UBA5: variants seen among roughly 807,000 people sequenced by gnomAD.
UBA5 encodes the protein ubiquitin-like modifier-activating enzyme 5.
In UBA5, 28 loss-of-function variants were observed where a neutral mutation model predicts 52.9. The observed-to-expected ratio is 0.53, with a 90% confidence interval of 0.39 to 0.73. UBA5 has a LOEUF of 0.73. Ranked by LOEUF, UBA5 falls within the 30% of genes least tolerant of loss-of-function variation. UBA5 has a pLI of 0.00. For synonymous variants in UBA5, 135 were observed against 162.1 expected (o/e 0.83, Z 1.27); for missense variants, 388 against 492.7 (o/e 0.79, Z 2.01).
chr3:132,661,560 A>C (rs939442514), intron 1 of UBA5, among the ~76,000 whole-genome samples: 2 of 152,222 alleles, frequency 1.3e-5, no homozygotes, highest in African/African-American at 4.8e-5. Context: ...TCCTCCCACC[A>C]AAACCCTATG....
Position 132,660,813 on chromosome 3 carries a change from G to A in UBA5, c.161+115G>A. On this transcript the variant is annotated intron_variant, in intron 1 of 11. Transcript: ENST00000356232. This position sits in a 1 kb window ranked among gnomAD's most constrained non-coding sequence, Gnocchi z 4.1. Reference sequence around the variant, plus strand: ...TGGGGACGCCCGCCACCCTTTTCTTGGTCTGCGAATCCTGTTCCCAAATGG... The same window carrying A: ...TGGGGACGCCCGCCACCCTTTTCTTAGTCTGCGAATCCTGTTCCCAAATGG... The A allele has an allele frequency of 6.9e-7, 1 of 1,449,014 alleles. No individual in the cohort carries two copies. The highest frequency in any genetic ancestry group is 9.1e-7 in the Non-Finnish European group (1 of 1,097,626). 89.8% of individuals were successfully genotyped at this position (1,449,014 alleles called of 1,614,324 possible). A position where few individuals can be genotyped will look rare whatever the true frequency, so the allele number is the denominator to read the frequency against.
At chr3:132,655,188 C>A (rs1937717260) in intron 1 of UBA5, among the ~76,000 whole-genome samples, 1 of 152,226 alleles carries the variant, frequency 6.6e-6, no homozygotes, top group Non-Finnish European at 1.5e-5. Context: ...ATTCTACACT[C>A]CCACTCTGGT....
intron 5 of UBA5, 114 bp downstream of exon 5, chr3:132,670,398 T>A (rs1559991658): frequency 1.9e-6 from 1 of 519,378 alleles, no homozygotes; most frequent in Non-Finnish European, 3.4e-6. Flanking sequence ...TATTTTTCCA[T>A]TTTTTTAGTA....
At chr3:132,661,094 G>A in intron 1 of UBA5, 1 of 1,293,764 alleles carries the variant, frequency 7.7e-7, no homozygotes, top group South Asian at 1.2e-5. Context: ...ATCTTAAATG[G>A]GGTCGGGGCG....
Position 132,678,864 on chromosome 3 carries a change from GGTC to G in UBA5, c.*2339_*2341del. 1.3e-5 allele frequency among the ~76,000 whole-genome samples: 2 copies of G among 151,884 alleles called. No individual in the cohort carries two copies. The highest frequency in any genetic ancestry group is 3.9e-4 in the East Asian group (2 of 5,108). On this transcript the variant is annotated 3_prime_UTR_variant, in exon 12 of 12. Transcript: ENST00000356232. ...GAGGTTTCACCATGTTGGCCAGGCT[GGTC>G]TTGAACTCCTGACCTCAGGTGATCC...
rs1177908264 is a variant in UBA5, at chr3:132,676,287, ACT to A, written c.1132-153_1132-152del. Among the ~76,000 whole-genome samples the A allele has an allele frequency of 3.9e-5, 6 of 152,036 alleles. No homozygotes were observed. The highest frequency in any genetic ancestry group is 1.9e-4 in the East Asian group (1 of 5,198). On this transcript the variant is annotated intron_variant, in intron 11 of 11. Coordinates refer to ENST00000356232, the MANE Select transcript of UBA5 (RefSeq NM_024818.6). This position sits in a 1 kb window ranked among gnomAD's most constrained non-coding sequence, Gnocchi z 4.1. ...AAAAGACTGGTGAGGAATGTAAAAG[ACT>A]CTGTCTTTCTTCTAAAAATTAGAAG...
At chr3:132,659,355 T>C (rs1049841840), upstream of UBA5, 1 of 507,708 alleles carries the variant, frequency 2.0e-6, no homozygotes, top group Non-Finnish European at 3.4e-6. Context: ...ATCCATCCTT[T>C]AACAAAGATT....
chr3:132,661,100 G>A, intron 1 of UBA5: 1 of 1,286,896 alleles, frequency 7.8e-7, no homozygotes, highest in Non-Finnish European at 1.0e-6. Context: ...AATGGGGTCG[G>A]GGCGGGGGAG....
At chr3:132,659,566 AT>A, upstream of UBA5, 2 of 1,607,612 alleles carry the variant, frequency 1.2e-6, no homozygotes, top group Non-Finnish European at 8.5e-7. Context: ...CAATGTACAA[AT>A]TTTTTTCCGC....
rs1298890353 is a variant in UBA5, at chr3:132,678,558, A to G, written c.*2032A>G. 1.3e-5 allele frequency among the ~76,000 whole-genome samples: 2 copies of G among 152,230 alleles called. No individual in the cohort carries two copies. Among genetic ancestry groups the G allele is most frequent in the African/African-American group, 4.8e-5 (2 of 41,466 alleles). Reference sequence around the variant, plus strand: ...GTTCTACTTAAATGTTGTAGAGAAAATAAGTATTACTAGTTTCTTCTCATA... The same window carrying G: ...GTTCTACTTAAATGTTGTAGAGAAAGTAAGTATTACTAGTTTCTTCTCATA... On this transcript the variant is annotated 3_prime_UTR_variant, in exon 12 of 12. Transcript: ENST00000356232.
chr3:132,675,798 C>T lies in UBA5; in HGVS notation c.1025-19C>T, dbSNP rs1464268238. On this transcript the variant is annotated intron_variant, in intron 10 of 11. Transcript: ENST00000356232. ...GCTTATTAAATTCCTTAAAAACTGA[C>T]ATAGGATCAAATTTACAGGTATTGA... is the stretch of plus-strand genomic sequence containing the variant. 6.3e-7 allele frequency: 1 copy of T among 1,583,464 alleles called. No individual in the cohort carries two copies. Among genetic ancestry groups the T allele is most frequent in the South Asian group, 1.1e-5 (1 of 87,824 alleles).
At chr3:132,656,768 AG>A (rs1165422020), upstream of UBA5, among the ~76,000 whole-genome samples, 1 of 152,030 alleles carries the variant, frequency 6.6e-6, no homozygotes, top group Non-Finnish European at 1.5e-5. Context: ...CTGGGATTAC[AG>A]GCATGAGCCA....
Position 132,660,789 on chromosome 3 carries a change from G to T in UBA5, c.161+91G>T. 6.9e-7 allele frequency: 1 copy of T among 1,447,962 alleles called. No individual in the cohort carries two copies. The highest frequency in any genetic ancestry group is 1.5e-5 in the South Asian group (1 of 68,340). 89.7% of individuals were successfully genotyped at this position (1,447,962 alleles called of 1,614,324 possible). A position where few individuals can be genotyped will look rare whatever the true frequency, so the allele number is the denominator to read the frequency against. Reference sequence around the variant, plus strand: ...GAGGCGCTTCCCACGTCCCGCTCATGGGGACGCCCGCCACCCTTTTCTTGG... The same window carrying T: ...GAGGCGCTTCCCACGTCCCGCTCATTGGGACGCCCGCCACCCTTTTCTTGG... On this transcript the variant is annotated intron_variant, in intron 1 of 11. Coordinates refer to ENST00000356232, the MANE Select transcript of UBA5 (RefSeq NM_024818.6). The surrounding 1 kb of genome is among the most constrained non-coding windows in gnomAD (Gnocchi z 4.1).
upstream of UBA5, chr3:132,660,319 T>C (rs1463933616): frequency 2.6e-5 from 16 of 613,834 alleles, no homozygotes; most frequent in Non-Finnish European, 4.0e-5. This position sits in a 1 kb window ranked among gnomAD's most constrained non-coding sequence, Gnocchi z 4.1. Flanking sequence ...GGGGGAGCGA[T>C]GTCTGCGACG....
chr3:132,674,657 C>G (rs150267277), intron 8 of UBA5, among the ~76,000 whole-genome samples: 2 of 152,314 alleles, frequency 1.3e-5, no homozygotes, highest in East Asian at 1.9e-4. Context: ...CCACCTTACT[C>G]CAGCCTGGGC....
rs1938877812 is a variant in UBA5, at chr3:132,677,262, C to G, written c.*736C>G. On this transcript the variant is annotated 3_prime_UTR_variant, in exon 12 of 12. Coordinates refer to ENST00000356232, the MANE Select transcript of UBA5 (RefSeq NM_024818.6). ...AACAGAAATTATTGCATCTGTGGAA[C>G]ATATATCTGGAGTTACTATACTTTA... 2 of 166,308 alleles carry G rather than the reference C, an allele frequency of 1.2e-5. No individual in the cohort carries two copies. Among genetic ancestry groups the G allele is most frequent in the Admixed American group, 1.2e-4 (2 of 17,348 alleles). The allele number at this position is 166,308 out of a possible 1,614,324, so 10.3% of individuals were successfully genotyped here. A position where few individuals can be genotyped will look rare whatever the true frequency, so the allele number is the denominator to read the frequency against.
chr3:132,670,239 A>C lies in UBA5; in HGVS notation c.449A>C (p.Asn150Thr), dbSNP rs1490663206. The C allele has an allele frequency of 6.6e-7, 1 of 1,509,762 alleles. No homozygotes were observed. 93.5% of individuals were successfully genotyped at this position (1,509,762 alleles called of 1,614,324 possible). A position where few individuals can be genotyped will look rare whatever the true frequency, so the allele number is the denominator to read the frequency against. The change falls in exon 5 of 12, where the codon AAT becomes ACT. Residue 150 changes from asparagine (N) to threonine (T), a missense_variant. Coordinates refer to ENST00000356232, the MANE Select transcript of UBA5 (RefSeq NM_024818.6). The part of the protein sequence containing the change: ...PDVLFEVHNY[N>T]ITTVENFQHF... Reference sequence around the variant, plus strand: ...GTTCTTTTTGAAGTACACAACTATAATATAACCACAGTGGAAAACTTTCAA... The same window carrying C: ...GTTCTTTTTGAAGTACACAACTATACTATAACCACAGTGGAAAACTTTCAA...
Position 132,678,736 on chromosome 3 carries a change from G to C in UBA5, c.*2210G>C, listed in dbSNP as rs1244680867. 6.6e-6 allele frequency among the ~76,000 whole-genome samples: 1 copy of C among 151,760 alleles called. No individual in the cohort carries two copies. Among genetic ancestry groups the C allele is most frequent in the Non-Finnish European group, 1.5e-5 (1 of 67,952 alleles). ...ACGATCTCAGCTCACCACATCCTCC[G>C]CCTCCCAGGTTCAAGCGATTCTCCT... is the stretch of plus-strand genomic sequence containing the variant. On this transcript the variant is annotated 3_prime_UTR_variant, in exon 12 of 12. Coordinates refer to ENST00000356232, the MANE Select transcript of UBA5 (RefSeq NM_024818.6).
rs35885835 is a variant in UBA5, at chr3:132,670,050, G to A, written c.408-148G>A. On this transcript the variant is annotated intron_variant, in intron 4 of 11. Transcript: ENST00000356232. ...TTAAAAACATTTTTTTAGAGACAGGGTCTCACTCTGTCCCCCAGGTTGGGG... is the reference window on the plus strand; with the variant it reads ...TTAAAAACATTTTTTTAGAGACAGGATCTCACTCTGTCCCCCAGGTTGGGG... The A allele has an allele frequency of 7.5e-3, 4,187 of 559,670 alleles. 29 individuals are homozygous for A. The highest frequency in any genetic ancestry group is 8.4e-3 in the Non-Finnish European group (2,646 of 313,766). The allele number at this position is 559,670 out of a possible 1,614,324, so 34.7% of individuals were successfully genotyped here. A position where few individuals can be genotyped will look rare whatever the true frequency, so the allele number is the denominator to read the frequency against.
Sources: gnomAD v4.1 joint callset for allele counts (sites outside exome capture counted in the v4.1 genomes callset) on GRCh38, gnomAD v4.1.1 for gene constraint, Gnocchi (gnomAD v3.1) non-coding constraint, MANE v1.5 for transcripts, NCBI Gene and HGNC (gene_info 2026-07-23, HGNC 2026-07-21) for gene names.